Variants in SIK3 observed in about 807,000 individuals in gnomAD.
SIK3 encodes SIK family kinase 3.
SIK3 carries 28 observed loss-of-function variants against 144.2 expected under a neutral mutation model. That is an observed-to-expected ratio of 0.19 (90% confidence interval 0.14 to 0.27). SIK3 has a LOEUF of 0.27. SIK3 is among the 10% of genes least tolerant of loss of function. The probability of loss-of-function intolerance (pLI) is 1.00; values close to 1 mark genes in which losing one functional copy is unlikely to be tolerated. For missense variants in SIK3, 1,319 were observed against 1,776.0 expected (o/e 0.74, Z 4.62); for synonymous variants, 686 against 676.3 (o/e 1.01, Z -0.22).
chr11:116,943,651 C>T (rs1348923818), intron 3 of SIK3, among the ~76,000 whole-genome samples: 1 of 152,152 alleles, frequency 6.6e-6, no homozygotes, highest in African/African-American at 2.4e-5. Flanking sequence ...GGAATGTGAA[C>T]ATCAATGAGG....
At chr11:116,906,567 CG>C (rs1325588902) in intron 4 of SIK3, among the ~76,000 whole-genome samples, 2 of 152,020 alleles carry the variant, frequency 1.3e-5, no homozygotes, top group African/African-American at 4.8e-5. Context: ...AGAGAGAAAG[CG>C]CGGCTAAAGG....
At chr11:116,897,610 C>T (rs1591263207) in intron 4 of SIK3, among the ~76,000 whole-genome samples, 1 of 152,232 alleles carries the variant, frequency 6.6e-6, no homozygotes, top group East Asian at 1.9e-4. Context: ...TGCAAATGGG[C>T]CTGGGGGCAG....
intron 4 of SIK3, among the ~76,000 whole-genome samples, chr11:116,920,290 C>T (rs1276953889): frequency 1.3e-5 from 2 of 152,088 alleles, no homozygotes; most frequent in Non-Finnish European, 2.9e-5. Context: ...ATCTCTCTCA[C>T]CCCAACTTCT....
intron 6 of SIK3, among the ~76,000 whole-genome samples, chr11:116,877,450 C>T (rs192249371): frequency 1.6e-4 from 24 of 152,344 alleles, no homozygotes; most frequent in African/African-American, 4.6e-4. Flanking sequence ...TGTACCACCA[C>T]GCGCATACTA....
chr11:116,967,017 A>AAAAAAAG (rs555732125), intron 1 of SIK3, among the ~76,000 whole-genome samples: 7 of 147,510 alleles, frequency 4.7e-5, no homozygotes, highest in South Asian at 4.3e-4. Context: ...AAAAAAAAGA[A>AAAAAAAG]AAAGAAAAAG....
chr11:117,074,544 C>A (rs1472874416), intron 1 of SIK3, among the ~76,000 whole-genome samples: 1 of 152,170 alleles, frequency 6.6e-6, no homozygotes, highest in African/African-American at 2.4e-5. Context: ...TAGCAAGTTT[C>A]TATTATGACA....
intron 1 of SIK3, among the ~76,000 whole-genome samples, chr11:116,969,206 C>T (rs757244661): frequency 2.8e-5 from 4 of 142,662 alleles, no homozygotes; most frequent in Admixed American, 7.6e-5. Flanking sequence ...AGAAGAATGG[C>T]GTGAACCCAG....
chr11:116,989,613 T>C (rs1194901145), intron 1 of SIK3, among the ~76,000 whole-genome samples: 1 of 151,862 alleles, frequency 6.6e-6, no homozygotes, highest in Admixed American at 6.6e-5. Context: ...ATTAGTATAC[T>C]AGAAGTAAAG....
chr11:116,979,267 A>G (rs1194354627), intron 1 of SIK3, among the ~76,000 whole-genome samples: 1 of 152,144 alleles, frequency 6.6e-6, no homozygotes. Context: ...AGGGTTGAGG[A>G]TCTTTCATAT....
At chr11:116,895,907 T>G (rs1945374129) in intron 6 of SIK3, among the ~76,000 whole-genome samples, 1 of 152,238 alleles carries the variant, frequency 6.6e-6, no homozygotes, top group Non-Finnish European at 1.5e-5. Context: ...AAGCATTTAT[T>G]GCATTACTGC....
At chr11:117,091,200 C>CTTTTTTTTTTTTTTTTT (rs386375011) in intron 1 of SIK3, among the ~76,000 whole-genome samples, 3 of 93,008 alleles carry the variant, frequency 3.2e-5, no homozygotes, top group African/African-American at 4.3e-5. Context: ...TTTTTTTTTT[C>CTTTTTTTTTTTTTTTTT]TTTTTTTTTT....
At chr11:116,920,611 C>T (rs1946911149) in intron 4 of SIK3, among the ~76,000 whole-genome samples, 1 of 152,214 alleles carries the variant, frequency 6.6e-6, no homozygotes, top group African/African-American at 2.4e-5. Context: ...CTGCAACTGA[C>T]AGGTGCCTTA....
chr11:116,941,677 C>A (rs1004791140), intron 3 of SIK3, among the ~76,000 whole-genome samples: 2 of 152,190 alleles, frequency 1.3e-5, no homozygotes, highest in Non-Finnish European at 2.9e-5. Context: ...TTTTAAGACA[C>A]TGAGAATGTT....
intron 4 of SIK3, among the ~76,000 whole-genome samples, chr11:116,909,392 T>C (rs1271905787): frequency 1.3e-5 from 2 of 152,044 alleles, no homozygotes; most frequent in African/African-American, 2.4e-5. Flanking sequence ...TTTTTTCTCT[T>C]GGGGGAAGGA....
chr11:116,996,092 T>C (rs1030261120), intron 1 of SIK3, among the ~76,000 whole-genome samples: 38 of 152,138 alleles, frequency 2.5e-4, no homozygotes, highest in Non-Finnish European at 4.6e-4. Flanking sequence ...CAGATCATTT[T>C]AGGCCAGGAG....
chr11:117,010,448 T>C (rs745384261), intron 1 of SIK3, among the ~76,000 whole-genome samples: 2 of 152,110 alleles, frequency 1.3e-5, no homozygotes, highest in African/African-American at 4.8e-5. Flanking sequence ...CTCATGGGTA[T>C]TGGGGGTGAC....
intron 14 of SIK3, chr11:116,870,047 C>A: frequency 7.9e-7 from 1 of 1,273,848 alleles, no homozygotes. Context: ...ATCAGAGTTG[C>A]AATATGAAGG....
At chr11:116,862,373 C>T (rs1271803254) in intron 16 of SIK3, 46 bp from the exon 17 acceptor site, 1 of 1,612,104 alleles carries the variant, frequency 6.2e-7, no homozygotes, top group East Asian at 2.2e-5. Flanking sequence ...CCAGACCCGC[C>T]TCATGCAGTG....
intron 3 of SIK3, among the ~76,000 whole-genome samples, chr11:116,953,409 T>C (rs1949024000): frequency 6.6e-6 from 1 of 152,180 alleles, no homozygotes; most frequent in Admixed American, 6.5e-5. Context: ...TGGCTCCATT[T>C]ATCACTGTTA....
Sources: allele counts gnomAD v4.1 joint callset (sites outside exome capture counted in the v4.1 genomes callset), GRCh38; gene constraint gnomAD v4.1.1; transcripts MANE v1.5; gene names NCBI Gene and HGNC (gene_info 2026-07-23, HGNC 2026-07-21).